The following SPAG9 variants were observed in gnomAD, a reference collection of about 807,000 sequenced individuals.
SPAG9 encodes the protein C-Jun-amino-terminal kinase-interacting protein 4.
Under a neutral mutation model 166.5 loss-of-function variants are expected in SPAG9, and 35 were observed. The observed-to-expected ratio is 0.21, with a 90% confidence interval of 0.16 to 0.28. SPAG9 has a LOEUF of 0.28. Ranked by LOEUF, SPAG9 falls within the 10% of genes least tolerant of loss-of-function variation. The pLI, the probability that SPAG9 is intolerant of heterozygous loss-of-function variation, is 1.00. For synonymous variants in SPAG9, 534 were observed against 565.5 expected (o/e 0.94, Z 0.79); for missense variants, 1,235 against 1,603.3 (o/e 0.77, Z 3.92).
At chr17:51,057,009 TA>T (rs201881714) in intron 2 of SPAG9, among the ~76,000 whole-genome samples, 67 of 146,948 alleles carry the variant, frequency 4.6e-4, no homozygotes, top group African/African-American at 1.3e-3. Context: ...TCAGGATATT[TA>T]AAAAAAAAAA....
intron 1 of SPAG9, among the ~76,000 whole-genome samples, chr17:51,117,245 C>T (rs2144806462): frequency 6.6e-6 from 1 of 152,234 alleles, no homozygotes; most frequent in African/African-American, 2.4e-5. Context: ...GATCATAGCA[C>T]CTCACACATT....
chr17:51,053,398 G>T (rs1052680854), intron 3 of SPAG9, among the ~76,000 whole-genome samples: 18 of 151,396 alleles, frequency 1.2e-4, no homozygotes, highest in African/African-American at 4.4e-4. Context: ...AAAAATTGGC[G>T]TGCACTGGCC....
At chr17:51,056,870 T>C (rs1457605664) in intron 2 of SPAG9, among the ~76,000 whole-genome samples, 4 of 152,122 alleles carry the variant, frequency 2.6e-5, no homozygotes, top group Non-Finnish European at 5.9e-5. Context: ...TGAAAGTTGA[T>C]TGTTTATAAG....
At chr17:51,091,807 G>A (rs1417326587) in intron 1 of SPAG9, among the ~76,000 whole-genome samples, 1 of 149,474 alleles carries the variant, frequency 6.7e-6, no homozygotes, top group African/African-American at 2.5e-5. Flanking sequence ...GGAGCAACTA[G>A]ACACCGTTAA....
rs1467357489 is a variant in SPAG9 at position 51,053,819 on chromosome 17, C to T, written c.495+2593G>A. Among the ~76,000 whole-genome samples, 7 of 104,864 alleles carry T rather than the reference C, an allele frequency of 6.7e-5. 1 individual carries two copies. The Admixed American group carries it at 9.6e-4, about 14-fold the overall frequency. 68.8% of individuals were successfully genotyped at this position (104,864 alleles called of 152,430 possible). A position where few individuals can be genotyped will look rare whatever the true frequency, so the allele number is the denominator to read the frequency against. ...CGCCACTGCACTCCAGCCTGGGAAA[C>T]AGAGTGAGACCCTAATTAAAAAAAA... On this transcript the variant is annotated intron_variant, in intron 3 of 29. Coordinates refer to ENST00000262013, the MANE Select transcript of SPAG9 (RefSeq NM_001130528.3).
At chr17:51,021,938 C>T (rs1406839760) in intron 6 of SPAG9, among the ~76,000 whole-genome samples, 4 of 152,068 alleles carry the variant, frequency 2.6e-5, no homozygotes, top group South Asian at 2.1e-4. Flanking sequence ...GCCTGGCCAA[C>T]ATGGTGAAAC....
chr17:51,111,115 CAAAAAAAAAAA>C (rs1394369339), intron 1 of SPAG9, among the ~76,000 whole-genome samples: 1 of 132,190 alleles, frequency 7.6e-6, no homozygotes, highest in Non-Finnish European at 1.6e-5. Flanking sequence ...GACTCCGTCT[CAAAAAAAAAAA>C]GAAAAGAAAA....
At chr17:51,105,953 T>G (rs2048937240) in intron 1 of SPAG9, among the ~76,000 whole-genome samples, 1 of 151,878 alleles carries the variant, frequency 6.6e-6, no homozygotes, top group South Asian at 2.1e-4. Context: ...TCTTCACTGC[T>G]GCTTGCTTGG....
At chr17:50,995,764 C>A in intron 16 of SPAG9, 1 of 437,350 alleles carries the variant, frequency 2.3e-6, no homozygotes, top group Non-Finnish European at 4.1e-6. Context: ...CAGGCTTAAG[C>A]GGTCCCCTCC....
At chr17:51,021,483 G>A (rs1598013805) in intron 6 of SPAG9, 118 bp from the exon 7 acceptor site, 1 of 812,990 alleles carries the variant, frequency 1.2e-6, no homozygotes, top group South Asian at 2.0e-5. Context: ...CCAAAATAAA[G>A]GCAATAAAGA....
intron 7 of SPAG9, 148 bp downstream of exon 7, chr17:51,021,010 G>C (rs2045917956): frequency 3.0e-6 from 2 of 670,260 alleles, no homozygotes; most frequent in Non-Finnish European, 5.2e-6. Context: ...ATCTACAGAT[G>C]CAGAACCACA....
chr17:51,101,854 A>G (rs1216253857), intron 1 of SPAG9, among the ~76,000 whole-genome samples: 1 of 152,016 alleles, frequency 6.6e-6, no homozygotes, highest in Non-Finnish European at 1.5e-5. Context: ...CAAACTCCTG[A>G]CCTCAGGTGA....
At position 50,977,143 on chromosome 17, in the gene SPAG9, C is replaced by T. The variant is rs959668669; in HGVS notation, c.3488G>A (p.Gly1163Glu). ...VSCNRLWVGT[G>E]NGVIISIPLT... Reference sequence around the variant, plus strand: ...TGGGATGGAGATAATGACACCATTTCCTGTCCCCACCCACAAACGATTACA... The same window carrying T: ...TGGGATGGAGATAATGACACCATTTTCTGTCCCCACCCACAAACGATTACA... Residue 1163 changes from glycine to glutamate, a missense_variant, in exon 27 of 30, where the codon GGA (glycine) becomes GAA (glutamate). By Grantham distance (98) the Gly-to-Glu change is moderately conservative (BLOSUM62 -2). This residue lies in a region of SPAG9 where 243 missense variants were observed against 358.6 expected (regional missense o/e 0.68). Transcript: ENST00000262013. 1 of 1,613,344 alleles carries T rather than the reference C, an allele frequency of 6.2e-7. No homozygotes were observed. The highest frequency in any genetic ancestry group is 8.5e-7 in the Non-Finnish European group (1 of 1,179,448).
chr17:51,023,019 G>A (rs978224890), intron 6 of SPAG9, among the ~76,000 whole-genome samples: 2 of 148,910 alleles, frequency 1.3e-5, no homozygotes, highest in Admixed American at 6.7e-5. Flanking sequence ...TTCACTAAAT[G>A]TATGACCTTG....
intron 6 of SPAG9, 32 bp downstream of exon 6, chr17:51,031,649 T>G (rs998416222): frequency 6.6e-7 from 1 of 1,526,322 alleles, no homozygotes. Flanking sequence ...TTAGTATACT[T>G]TTTGCAAAAT....
At chr17:51,054,562 G>A (rs976324980) in intron 3 of SPAG9, among the ~76,000 whole-genome samples, 4 of 151,606 alleles carry the variant, frequency 2.6e-5, no homozygotes, top group African/African-American at 7.3e-5. Flanking sequence ...TCAGCCTCCC[G>A]AGTAGCTGGG....
intron 4 of SPAG9, 87 bp downstream of exon 4, chr17:51,047,288 T>C (rs1253507602): frequency 1.3e-6 from 1 of 777,870 alleles, no homozygotes; most frequent in Non-Finnish European, 2.0e-6. Context: ...CTAACTATTG[T>C]TCCAGGATTA....
rs1203400172 is a variant in SPAG9, at chr17:50,993,903, T to C, written c.2259A>G (p.Glu753=). Reference sequence around the variant, plus strand: ...TACAGATCCAAACTAGACTGGATAATTCTTCTTGATTTTTTAACTCCTTCT... The same window carrying C: ...TACAGATCCAAACTAGACTGGATAACTCTTCTTGATTTTTTAACTCCTTCT... The part of the protein sequence containing the change: ...EQQKELKNQE[E]LSSLVWICTS... Residue 753 remains glutamate (E), a synonymous_variant, in exon 19 of 30, where the codon GAA becomes GAG. Transcript: ENST00000262013. The C allele has an allele frequency of 6.8e-6, 11 of 1,614,152 alleles. No individual in the cohort carries two copies. Among genetic ancestry groups the C allele is most frequent in the Non-Finnish European group, 9.3e-6 (11 of 1,179,992 alleles).
chr17:51,004,996 G>C (rs2045139799), intron 12 of SPAG9, among the ~76,000 whole-genome samples: 1 of 152,196 alleles, frequency 6.6e-6, no homozygotes, highest in South Asian at 2.1e-4. Context: ...TAAGAGCACA[G>C]AGGCACAGAG....
Sources: allele counts gnomAD v4.1 joint callset (sites outside exome capture counted in the v4.1 genomes callset), GRCh38; gene constraint gnomAD v4.1.1; regional missense constraint gnomAD v4.1.1; transcripts MANE v1.5; gene names NCBI Gene and HGNC (gene_info 2026-07-23, HGNC 2026-07-21).